Variants in UBE2E1 observed in about 807,000 individuals in gnomAD.
The protein encoded by UBE2E1 is ubiquitin-conjugating enzyme E2 E1.
In UBE2E1, 6 loss-of-function variants were observed where a neutral mutation model predicts 21.4. That is an observed-to-expected ratio of 0.28 (90% CI 0.15 to 0.55). The LOEUF (loss-of-function observed/expected upper bound fraction) is 0.55, where lower values mean the gene tolerates loss of function less well. UBE2E1 is among the 20% of genes least tolerant of loss of function. The pLI is 0.93. For synonymous variants in UBE2E1, 87 were observed against 82.7 expected, an observed-to-expected ratio of 1.05 and a Z score of -0.28; for missense variants, 142 against 236.5, an observed-to-expected ratio of 0.60 and a Z score of 2.62.
rs527792554 is a variant in UBE2E1 at position 23,821,094 on chromosome 3, A to G, written c.203+9584A>G. Among the ~76,000 whole-genome samples the G allele has an allele frequency of 5.3e-5, 8 of 152,358 alleles. No homozygotes were observed. In the East Asian group the frequency reaches 1.3e-3, roughly 26 times the overall value. ...TTAGAGTGTCTGCTGTGTGCTAGGCATTGTTCTGTAGGTGACTAAAACAGA... is the reference window on the plus strand; with the variant it reads ...TTAGAGTGTCTGCTGTGTGCTAGGCGTTGTTCTGTAGGTGACTAAAACAGA... On this transcript the variant is annotated intron_variant, in intron 3 of 5. Coordinates refer to ENST00000306627, the MANE Select transcript of UBE2E1 (RefSeq NM_003341.5).
At position 23,876,700 on chromosome 3, in the gene UBE2E1, T is replaced by C. The variant is rs1305132929; in HGVS notation, c.204-10867T>C. ...ACCAGGGTTGATGCATATTTATTACTGCAAAGAGTTGTAGACAAGGGAGGA... is the reference window on the plus strand; with the variant it reads ...ACCAGGGTTGATGCATATTTATTACCGCAAAGAGTTGTAGACAAGGGAGGA... On this transcript the variant is annotated intron_variant, in intron 3 of 5. Transcript: ENST00000306627. The surrounding 1 kb of genome is among the most constrained non-coding windows in gnomAD (Gnocchi z 4.3). Among the ~76,000 whole-genome samples, 1 of 152,316 alleles carries C rather than the reference T, an allele frequency of 6.6e-6. No individual in the cohort carries two copies. Among genetic ancestry groups the C allele is most frequent in the African/African-American group, 2.4e-5 (1 of 41,582 alleles).
In UBE2E1 at chr3:23,870,886, A is replaced by G. The variant is rs1209588642; in HGVS notation, c.204-16681A>G. ...TAGGGAGTGGTGATGATTCTTAACG[A>G]GCATGCTGCCTTCAAGCATCTGTTT... is the stretch of plus-strand genomic sequence containing the variant. On this transcript the variant is annotated intron_variant, in intron 3 of 5. Transcript: ENST00000306627. The surrounding 1 kb of genome is among the most constrained non-coding windows in gnomAD (Gnocchi z 4.2). Among the ~76,000 whole-genome samples, 2 of 152,048 alleles carry G rather than the reference A, an allele frequency of 1.3e-5. No individual in the cohort carries two copies. Among genetic ancestry groups the G allele is most frequent in the East Asian group, 1.9e-4 (1 of 5,184 alleles).
intron 3 of UBE2E1, among the ~76,000 whole-genome samples, chr3:23,881,856 G>A (rs945580027): frequency 1.3e-5 from 2 of 152,120 alleles, no homozygotes; most frequent in African/African-American, 4.8e-5. Context: ...TGGTGGGTTC[G>A]TGGTCTCGCT....
intron 3 of UBE2E1, among the ~76,000 whole-genome samples, chr3:23,834,859 G>T (rs1413002960): frequency 1.3e-5 from 2 of 152,152 alleles, no homozygotes; most frequent in African/African-American, 4.8e-5. Context: ...AAATATTAAT[G>T]TAATGAAAGA....
chr3:23,874,188 T>A (rs1166408162), intron 3 of UBE2E1, among the ~76,000 whole-genome samples: 1 of 152,358 alleles, frequency 6.6e-6, no homozygotes, highest in East Asian at 1.9e-4. Context: ...TAATCAAAGA[T>A]GTGTGCCAGA....
intron 3 of UBE2E1, among the ~76,000 whole-genome samples, chr3:23,821,521 A>G (rs959473273): frequency 1.3e-5 from 2 of 152,164 alleles, no homozygotes; most frequent in African/African-American, 2.4e-5. Flanking sequence ...ATGCTAGTGG[A>G]AGAAGGGAGA....
At chr3:23,826,290 G>T (rs1306836963) in intron 3 of UBE2E1, among the ~76,000 whole-genome samples, 1 of 152,206 alleles carries the variant, frequency 6.6e-6, no homozygotes, top group Non-Finnish European at 1.5e-5. Context: ...TACTCAGCTG[G>T]TCTTGACGTA....
chr3:23,871,782 G>A lies in UBE2E1; in HGVS notation c.204-15785G>A, dbSNP rs1159335075. On this transcript the variant is annotated intron_variant, in intron 3 of 5. Coordinates refer to ENST00000306627, the MANE Select transcript of UBE2E1 (RefSeq NM_003341.5). ...CCCACATCTCAGATGATGGGCGGCC[G>A]GGCAGAGACACTCCTCACTTCCTAG... Among the ~76,000 whole-genome samples the A allele has an allele frequency of 6.6e-5, 10 of 151,912 alleles. No individual in the cohort carries two copies. The East Asian group carries it at 1.2e-3, about 18-fold the overall frequency.
rs559790297 is a variant in UBE2E1 at position 23,836,451 on chromosome 3, C to G, written c.203+24941C>G. On this transcript the variant is annotated intron_variant, in intron 3 of 5. Coordinates refer to ENST00000306627, the MANE Select transcript of UBE2E1 (RefSeq NM_003341.5). The surrounding 1 kb of genome is among the most constrained non-coding windows in gnomAD (Gnocchi z 4.1). Reference sequence around the variant, plus strand: ...ACTAGGTCCAGACTCTGTTGGAGCCCTTAGTCTAGGGGAGTAAGGGATTTT... The same window carrying G: ...ACTAGGTCCAGACTCTGTTGGAGCCGTTAGTCTAGGGGAGTAAGGGATTTT... 6.6e-6 allele frequency among the ~76,000 whole-genome samples: 1 copy of G among 152,258 alleles called. No homozygotes were observed. The highest frequency in any genetic ancestry group is 1.9e-4 in the East Asian group (1 of 5,188).
chr3:23,864,200 C>T (rs890378049), intron 3 of UBE2E1, among the ~76,000 whole-genome samples: 8 of 152,184 alleles, frequency 5.3e-5, no homozygotes, highest in African/African-American at 1.4e-4. Flanking sequence ...AGCTTACTCC[C>T]ACTATTGCTT....
intron 2 of UBE2E1, among the ~76,000 whole-genome samples, chr3:23,809,476 A>G (rs528787875): frequency 6.6e-6 from 1 of 152,332 alleles, no homozygotes; most frequent in South Asian, 2.1e-4. Context: ...TGGTTTCTAA[A>G]CCGTGGGTAG....
intron 3 of UBE2E1, among the ~76,000 whole-genome samples, chr3:23,844,666 G>A (rs1326112739): frequency 6.6e-6 from 1 of 152,188 alleles, no homozygotes; most frequent in Admixed American, 6.5e-5. Context: ...CAGTAGCAGA[G>A]CATGAGAATT....
At chr3:23,867,134 C>CT (rs1380566627) in intron 3 of UBE2E1, among the ~76,000 whole-genome samples, 2 of 145,902 alleles carry the variant, frequency 1.4e-5, no homozygotes, top group Non-Finnish European at 3.0e-5. Context: ...TTCTTCTTGT[C>CT]TTTTTTATAT....
At chr3:23,838,205 C>T (rs558816670) in intron 3 of UBE2E1, among the ~76,000 whole-genome samples, 1 of 151,616 alleles carries the variant, frequency 6.6e-6, no homozygotes, top group Non-Finnish European at 1.5e-5. Flanking sequence ...GTAGCTGGGA[C>T]TATAAACGTG....
chr3:23,889,432 C>T (rs1701288578), intron 5 of UBE2E1, 173 bp downstream of exon 5: 1 of 1,460,728 alleles, frequency 6.8e-7, no homozygotes, highest in Non-Finnish European at 9.0e-7. Context: ...TTGAGACACA[C>T]AACTTCATTA....
At chr3:23,869,019 G>A (rs146005764) in intron 3 of UBE2E1, among the ~76,000 whole-genome samples, 52 of 152,156 alleles carry the variant, frequency 3.4e-4, no homozygotes, top group African/African-American at 1.3e-3. Flanking sequence ...TCATATATAA[G>A]TAAGAGTCTC....
In UBE2E1 at chr3:23,887,644, G is replaced by A; in HGVS notation, c.281G>A (p.Gly94Asp). The change falls in exon 4 of 6, where the codon GGT (glycine) becomes GAT (aspartate). Residue 94 changes from glycine (G) to aspartate (D), a missense_variant. Physicochemically the swap from Gly to Asp is moderately conservative, Grantham distance 94 (BLOSUM62 -1). Coordinates refer to ENST00000306627, the MANE Select transcript of UBE2E1 (RefSeq NM_003341.5). The surrounding 1 kb of genome is among the most constrained non-coding windows in gnomAD (Gnocchi z 4.4). Reference protein sequence around the residue: ...LGPPGSVYEGGVFFLDITFTP... With the variant: ...LGPPGSVYEGDVFFLDITFTP... ...CCTCCAGGATCCGTGTATGAGGGTG[G>A]TGTATTCTTTCTCGATATCACTTTT... 6.2e-7 allele frequency: 1 copy of A among 1,613,998 alleles called. No homozygotes were observed. The highest frequency in any genetic ancestry group is 8.5e-7 in the Non-Finnish European group (1 of 1,180,006).
At chr3:23,875,770 C>G (rs1470626466) in intron 3 of UBE2E1, among the ~76,000 whole-genome samples, 1 of 152,170 alleles carries the variant, frequency 6.6e-6, no homozygotes, top group African/African-American at 2.4e-5. Context: ...ACAGTGGATA[C>G]CACTAATGTG....
chr3:23,868,655 A>T (rs912126608), intron 3 of UBE2E1, among the ~76,000 whole-genome samples: 2 of 151,874 alleles, frequency 1.3e-5, no homozygotes, highest in Non-Finnish European at 2.9e-5. Context: ...TAGGTAGATT[A>T]GATTCCATCT....
Sources: allele counts gnomAD v4.1 joint callset (sites outside exome capture counted in the v4.1 genomes callset), GRCh38; gene constraint gnomAD v4.1.1; non-coding constraint Gnocchi (gnomAD v3.1); transcripts MANE v1.5; gene names NCBI Gene and HGNC (gene_info 2026-07-23, HGNC 2026-07-21).